The following GRAMD2A variants were observed in gnomAD, a reference collection of about 807,000 sequenced individuals.
The protein encoded by GRAMD2A is GRAM domain-containing protein 2A.
A neutral mutation model predicts 51.1 loss-of-function variants in GRAMD2A; 37 were observed. The observed-to-expected ratio is 0.72, with a 90% CI of 0.56 to 0.95. The LOEUF (loss-of-function observed/expected upper bound fraction) is 0.95, where lower values mean the gene tolerates loss of function less well. Ranked by LOEUF, GRAMD2A falls within the 40% of genes least tolerant of loss-of-function variation. The pLI is 0.00. For missense variants in GRAMD2A, 414 were observed against 426.9 expected, an observed-to-expected ratio of 0.97 and a Z score of 0.27; for synonymous variants, 136 against 157.1, an observed-to-expected ratio of 0.87 and a Z score of 1.01.
chr15:72,163,829 G>C, intron 8 of GRAMD2A, 72 bp from the exon 9 acceptor site: 1 of 1,506,478 alleles, frequency 6.6e-7, no homozygotes, highest in Non-Finnish European at 8.9e-7. Context: ...GCCCACACCA[G>C]GTTTATCAGA....
At chr15:72,169,410 G>A (rs1390804976) in intron 2 of GRAMD2A, 29 of 496,194 alleles carry the variant, frequency 5.8e-5, no homozygotes, top group Non-Finnish European at 9.4e-5. Flanking sequence ...GAAGGTGTCA[G>A]ACTCACAGCG....
At chr15:72,184,612 C>A (rs909865060) in intron 1 of GRAMD2A, among the ~76,000 whole-genome samples, 2 of 152,244 alleles carry the variant, frequency 1.3e-5, no homozygotes, top group African/African-American at 2.4e-5. Context: ...TCGGCTCCCC[C>A]AGGCTGGGCT....
chr15:72,163,040 T>C (rs1206926805), intron 10 of GRAMD2A, among the ~76,000 whole-genome samples: 1 of 152,170 alleles, frequency 6.6e-6, no homozygotes, highest in Non-Finnish European at 1.5e-5. Flanking sequence ...CTCCACCAAA[T>C]AGTCTTAACC....
Position 72,197,335 on chromosome 15 carries a change from G to A in GRAMD2A, c.41+396C>T, listed in dbSNP as rs533222632. 5.3e-5 allele frequency among the ~76,000 whole-genome samples: 8 copies of A among 152,360 alleles called. No individual in the cohort carries two copies. In the South Asian group the frequency reaches 6.2e-4, roughly 12 times the overall value. On this transcript the variant is annotated intron_variant, in intron 1 of 11. Coordinates refer to ENST00000309731, the MANE Select transcript of GRAMD2A (RefSeq NM_001012642.3). ...CAACCTTTGGGTCGGGGGCAATTAG[G>A]ACTGGGAGTCGATACCGCGGGCAAC...
chr15:72,195,325 C>T (rs2081796956), intron 1 of GRAMD2A, among the ~76,000 whole-genome samples: 1 of 152,204 alleles, frequency 6.6e-6, no homozygotes. Flanking sequence ...AAAACAGGAA[C>T]AGCCTGAGGC....
chr15:72,189,095 A>C (rs997381649), intron 1 of GRAMD2A, among the ~76,000 whole-genome samples: 2 of 152,228 alleles, frequency 1.3e-5, no homozygotes, highest in Non-Finnish European at 2.9e-5. Flanking sequence ...TAGAATAAAC[A>C]TACTATTTTC....
chr15:72,197,669 A>G (rs2081820897), intron 1 of GRAMD2A, 62 bp downstream of exon 1: 3 of 1,233,320 alleles, frequency 2.4e-6, no homozygotes, highest in Admixed American at 8.4e-5. Context: ...CCCGCGCGGC[A>G]GCAGCCCCTC....
intron 1 of GRAMD2A, among the ~76,000 whole-genome samples, chr15:72,180,507 C>T (rs994697024): frequency 5.9e-5 from 9 of 152,272 alleles, no homozygotes; most frequent in Admixed American, 3.3e-4. Flanking sequence ...TCAGACGCCC[C>T]CACTCAGGGC....
At chr15:72,180,525 G>A (rs1460636541) in intron 1 of GRAMD2A, among the ~76,000 whole-genome samples, 1 of 152,264 alleles carries the variant, frequency 6.6e-6, no homozygotes, top group African/African-American at 2.4e-5. Flanking sequence ...GGCTGCCAGG[G>A]GCTGTGGCTA....
In GRAMD2A at chr15:72,193,815, C is replaced by CG. The variant is rs1555436308; in HGVS notation, c.41+3915dup. 2.0e-5 allele frequency among the ~76,000 whole-genome samples: 3 copies of CG among 152,192 alleles called. No individual in the cohort carries two copies. In the East Asian group the frequency reaches 5.8e-4, roughly 29 times the overall value. ...TGCTGGGATTACAGGTGTGAGCCAA[C>CG]GCGCCAGGCCGTGCATTTCTAAACT... On this transcript the variant is annotated intron_variant, in intron 1 of 11. Transcript: ENST00000309731.
chr15:72,165,561 C>T (rs544997653), intron 7 of GRAMD2A, 151 bp from the exon 8 acceptor site: 1 of 690,730 alleles, frequency 1.4e-6, no homozygotes, highest in East Asian at 2.7e-5. Context: ...ATAGGGGGCC[C>T]CCTATTTAAT....
intron 1 of GRAMD2A, among the ~76,000 whole-genome samples, chr15:72,186,027 T>C (rs2081732206): frequency 1.3e-5 from 2 of 152,208 alleles, no homozygotes; most frequent in Non-Finnish European, 2.9e-5. Flanking sequence ...ATATCAAAAT[T>C]TAAGTGGACA....
chr15:72,193,108 AAG>A (rs1380629933), intron 1 of GRAMD2A, among the ~76,000 whole-genome samples: 2 of 152,110 alleles, frequency 1.3e-5, no homozygotes, highest in Non-Finnish European at 2.9e-5. Context: ...CCTGGGCAAC[AAG>A]AGTGACAGTT....
chr15:72,168,278 C>T lies in GRAMD2A; in HGVS notation c.268+213G>A, dbSNP rs569713022. ...AGGACACAAGATTCCAAAGCCCTGA[C>T]GTTTCCCCAAGAAAACCTTCAAAAA... On this transcript the variant is annotated intron_variant, in intron 4 of 11. Transcript: ENST00000309731. Among the ~76,000 whole-genome samples the T allele has an allele frequency of 3.6e-4, 55 of 152,340 alleles. No homozygotes were observed. The South Asian group carries it at 9.9e-3, about 28-fold the overall frequency.
chr15:72,165,474 A>C, intron 7 of GRAMD2A, 64 bp from the exon 8 acceptor site: 1 of 1,485,252 alleles, frequency 6.7e-7, no homozygotes, highest in Non-Finnish European at 9.4e-7. Context: ...GGCAGGGGGA[A>C]GCATCAGCCC....
intron 1 of GRAMD2A, among the ~76,000 whole-genome samples, chr15:72,195,689 G>A (rs1371253437): frequency 2.0e-5 from 3 of 152,268 alleles, no homozygotes; most frequent in Admixed American, 6.5e-5. Context: ...AGAGGCTGAG[G>A]TGAGCAGCTC....
chr15:72,182,484 A>G (rs1414034290), intron 1 of GRAMD2A, among the ~76,000 whole-genome samples: 1 of 152,180 alleles, frequency 6.6e-6, no homozygotes, highest in African/African-American at 2.4e-5. Context: ...CACCGAAAGC[A>G]TAAGAAACAG....
At chr15:72,173,410 C>T (rs899532087) in intron 1 of GRAMD2A, among the ~76,000 whole-genome samples, 24 of 152,264 alleles carry the variant, frequency 1.6e-4, no homozygotes, top group African/African-American at 5.5e-4. Flanking sequence ...TCACTCACAG[C>T]ACCCTGATCG....
chr15:72,168,409 C>T (rs2081571622), intron 4 of GRAMD2A, 82 bp downstream of exon 4: 7 of 939,316 alleles, frequency 7.5e-6, no homozygotes, highest in Admixed American at 3.5e-5. Flanking sequence ...ATTTCTAAGT[C>T]GTGCTTTGGA....
Sources: allele counts gnomAD v4.1 joint callset (sites outside exome capture counted in the v4.1 genomes callset), GRCh38; gene constraint gnomAD v4.1.1; transcripts MANE v1.5; gene names NCBI Gene and HGNC (gene_info 2026-07-23, HGNC 2026-07-21).